PPFIA2: variants seen among roughly 807,000 people sequenced by gnomAD.
PPFIA2 encodes the protein PPFI scaffold protein A2, also known as liprin-alpha-2.
In PPFIA2, 46 loss-of-function variants were observed where a neutral mutation model predicts 175.5. That is an observed-to-expected ratio of 0.26 (90% CI 0.21 to 0.34). The LOEUF (loss-of-function observed/expected upper bound fraction) is 0.34, where lower values mean the gene tolerates loss of function less well. Ranked by LOEUF, PPFIA2 falls within the 10% of genes least tolerant of loss-of-function variation. The pLI is 1.00. For missense variants in PPFIA2, 1,179 were observed against 1,506.1 expected (o/e 0.78, Z 3.60); for synonymous variants, 568 against 511.4 (o/e 1.11, Z -1.49).
At chr12:81,363,430 C>G (rs1166139342) in intron 14 of PPFIA2, among the ~76,000 whole-genome samples, 1 of 151,464 alleles carries the variant, frequency 6.6e-6, no homozygotes, top group East Asian at 1.9e-4. Flanking sequence ...CTCAAATTGG[C>G]ATTTTCTGGT....
intron 28 of PPFIA2, among the ~76,000 whole-genome samples, chr12:81,275,352 G>A (rs1342190787): frequency 6.6e-6 from 1 of 152,220 alleles, no homozygotes; most frequent in Admixed American, 6.5e-5. Flanking sequence ...TCTCCGATGA[G>A]ACGTACGTAG....
At chr12:81,269,245 T>C (rs1446777574) in intron 28 of PPFIA2, among the ~76,000 whole-genome samples, 1 of 151,978 alleles carries the variant, frequency 6.6e-6, no homozygotes, top group Non-Finnish European at 1.5e-5. Flanking sequence ...AAAGAAAGAA[T>C]TTTAAGAAAC....
intron 4 of PPFIA2, among the ~76,000 whole-genome samples, chr12:81,578,579 T>A (rs1287733731): frequency 6.6e-6 from 1 of 151,858 alleles, no homozygotes; most frequent in African/African-American, 2.4e-5. Context: ...TGATCAACAT[T>A]TTTATTATAG....
At chr12:81,375,075 C>A (rs556928629) in intron 10 of PPFIA2, among the ~76,000 whole-genome samples, 1 of 151,984 alleles carries the variant, frequency 6.6e-6, no homozygotes, top group Non-Finnish European at 1.5e-5. Context: ...GATATACCAC[C>A]GTAGCAAAAT....
intron 7 of PPFIA2, among the ~76,000 whole-genome samples, chr12:81,423,464 A>C (rs1346322649): frequency 6.6e-6 from 1 of 152,164 alleles, no homozygotes; most frequent in African/African-American, 2.4e-5. Flanking sequence ...ATCAATCAAT[A>C]TGATACAACA....
chr12:81,274,946 T>G (rs1578979), intron 28 of PPFIA2, among the ~76,000 whole-genome samples: 65,496 of 151,992 alleles, frequency 0.43, 14,988 homozygotes, highest in Non-Finnish European at 0.52. Context: ...ATATAACATT[T>G]GGTATAGGGC....
At chr12:81,270,282 C>T (rs1407284952) in intron 28 of PPFIA2, among the ~76,000 whole-genome samples, 1 of 152,012 alleles carries the variant, frequency 6.6e-6, no homozygotes, top group African/African-American at 2.4e-5. Context: ...CTTTGTATTT[C>T]TCATTTTTGT....
At chr12:81,296,552 CA>C (rs1410664920) in intron 23 of PPFIA2, 9 of 152,002 alleles carry the variant, frequency 5.9e-5, no homozygotes, top group African/African-American at 1.7e-4. Flanking sequence ...GAAAACACAA[CA>C]AAAAATTAGC....
chr12:81,646,649 G>C (rs1004121039), intron 4 of PPFIA2, among the ~76,000 whole-genome samples: 3 of 152,170 alleles, frequency 2.0e-5, no homozygotes, highest in Non-Finnish European at 4.4e-5. Flanking sequence ...CATAGGCGCA[G>C]TCCATAAAAG....
intron 27 of PPFIA2, 59 bp from the exon 28 acceptor site, chr12:81,277,473 G>T (rs2040826009): frequency 9.1e-6 from 13 of 1,424,914 alleles, no homozygotes; most frequent in Non-Finnish European, 1.2e-5. Context: ...GGTGGAGAAA[G>T]TTTTGTGATT....
At chr12:81,647,815 T>A (rs2066384772) in intron 4 of PPFIA2, among the ~76,000 whole-genome samples, 1 of 141,398 alleles carries the variant, frequency 7.1e-6, no homozygotes, top group Non-Finnish European at 1.5e-5. Flanking sequence ...ATATATACTA[T>A]AAAATATATA....
intron 22 of PPFIA2, chr12:81,311,918 TG>T (rs2050998766): frequency 1.8e-6 from 1 of 549,764 alleles, no homozygotes; most frequent in South Asian, 2.6e-5. Context: ...TTTTGACATG[TG>T]TATAATAAAA....
At chr12:81,589,710 T>C (rs1160171211) in intron 4 of PPFIA2, among the ~76,000 whole-genome samples, 1 of 152,120 alleles carries the variant, frequency 6.6e-6, no homozygotes, top group Middle Eastern at 3.2e-3. Flanking sequence ...TCAGAAAAAC[T>C]ATATTACTCC....
intron 3 of PPFIA2, among the ~76,000 whole-genome samples, chr12:81,726,044 C>A (rs2080032395): frequency 6.6e-6 from 1 of 151,170 alleles, no homozygotes; most frequent in African/African-American, 2.4e-5. Flanking sequence ...TTGCTCCCTA[C>A]TTCACTGAAG....
At chr12:81,699,763 C>A (rs2153599676) in intron 3 of PPFIA2, among the ~76,000 whole-genome samples, 1 of 151,950 alleles carries the variant, frequency 6.6e-6, no homozygotes, top group South Asian at 2.1e-4. Context: ...ATGTCTTAAC[C>A]CTGAATCATC....
chr12:81,677,923 A>G (rs2072869773), intron 3 of PPFIA2, among the ~76,000 whole-genome samples: 1 of 151,872 alleles, frequency 6.6e-6, no homozygotes, highest in Admixed American at 6.6e-5. Context: ...TATATGACTT[A>G]TTCAAAAGAA....
chr12:81,290,804 G>A (rs2044735209), intron 24 of PPFIA2, among the ~76,000 whole-genome samples: 1 of 151,688 alleles, frequency 6.6e-6, no homozygotes, highest in African/African-American at 2.4e-5. Flanking sequence ...CACAAATATA[G>A]CAATGGAAAT....
At chr12:81,378,623 A>G (rs2036939036) in intron 9 of PPFIA2, among the ~76,000 whole-genome samples, 1 of 152,150 alleles carries the variant, frequency 6.6e-6, no homozygotes, top group Non-Finnish European at 1.5e-5. Flanking sequence ...TTAATATTGT[A>G]TTCTGTCAGT....
chr12:81,671,051 A>T (rs938123363), intron 4 of PPFIA2, among the ~76,000 whole-genome samples: 41 of 151,992 alleles, frequency 2.7e-4, no homozygotes, highest in African/African-American at 9.4e-4. Context: ...AATAGCTTTA[A>T]ATGAGACCTC....
Sources: gnomAD v4.1 joint callset for allele counts (sites outside exome capture counted in the v4.1 genomes callset) on GRCh38, gnomAD v4.1.1 for gene constraint, MANE v1.5 for transcripts, NCBI Gene and HGNC (gene_info 2026-07-23, HGNC 2026-07-21) for gene names.